The following KHK variants were observed in gnomAD, a reference collection of about 807,000 sequenced individuals.
KHK encodes the protein fructokinase.
In KHK, 37 loss-of-function variants were observed where a neutral mutation model predicts 36.0. The observed-to-expected ratio is 1.03, with a 90% CI of 0.79 to 1.35. The LOEUF (loss-of-function observed/expected upper bound fraction) is 1.35, where lower values mean the gene tolerates loss of function less well. KHK is among the 40% of genes most tolerant of loss of function. The pLI is 0.00. For missense variants in KHK, 395 were observed against 391.9 expected, an observed-to-expected ratio of 1.01 and a Z score of -0.07; for synonymous variants, 161 against 162.8, an observed-to-expected ratio of 0.99 and a Z score of 0.08.
In KHK at chr2:27,099,726, G is replaced by A; in HGVS notation, c.873G>A (p.Leu291=). The A allele has an allele frequency of 6.2e-7, 1 of 1,614,016 alleles. No homozygotes were observed. Among genetic ancestry groups the A allele is most frequent in the East Asian group, 2.2e-5 (1 of 44,876 alleles). ...AGGTGGCCGGCAAGAAGTGTGGCCT[G>A]CAGGGCTTTGATGGCATCGTGTGAG... is the stretch of plus-strand genomic sequence containing the variant. ...GCQVAGKKCG[L]QGFDGIV The change falls in exon 8 of 8, where the codon CTG becomes CTA. Residue 291 remains leucine, a synonymous_variant. Transcript: ENST00000260598.
chr2:27,089,854 C>CT (rs1051382068), intron 1 of KHK, among the ~76,000 whole-genome samples: 6 of 152,208 alleles, frequency 3.9e-5, no homozygotes, highest in African/African-American at 1.4e-4. Context: ...GGGACGTGTC[C>CT]TTTTTTTTAT....
chr2:27,098,873 G>C (rs946884548), intron 5 of KHK: 6 of 314,878 alleles, frequency 1.9e-5, no homozygotes, highest in South Asian at 1.8e-4. Flanking sequence ...CAATTTACAA[G>C]GCTGTATTCT....
rs1482584405 is a variant in KHK, at chr2:27,094,870, A to G, written c.280A>G (p.Thr94Ala). The G allele has an allele frequency of 1.2e-6, 2 of 1,613,280 alleles. No individual in the cohort carries two copies. Among genetic ancestry groups the G allele is most frequent in the Non-Finnish European group, 1.7e-6 (2 of 1,179,908 alleles). Reference sequence around the variant, plus strand: ...GGTGGCCTGGCAGAGCAAGGGGGACACCCCCAGCTCCTGCTGCATCATCAA... The same window carrying G: ...GGTGGCCTGGCAGAGCAAGGGGGACGCCCCCAGCTCCTGCTGCATCATCAA... ...SQVAWQSKGD[T>A]PSSCCIINNS... The change falls in exon 3 of 8, where the codon ACC (threonine) becomes GCC (alanine). Residue 94 changes from threonine to alanine, a missense_variant. Coordinates refer to ENST00000260598, the MANE Select transcript of KHK (RefSeq NM_006488.3).
rs1670241697 is a variant in KHK, at chr2:27,094,858, A to G, written c.268A>G (p.Ser90Gly). 3 of 1,613,914 alleles carry G rather than the reference A, an allele frequency of 1.9e-6. No homozygotes were observed. The highest frequency in any genetic ancestry group is 1.6e-4 in the Middle Eastern group (1 of 6,084). The part of the protein sequence containing the change: ...GVDVSQVAWQ[S>G]KGDTPSSCCI... ...GGACGTGTCTCAGGTGGCCTGGCAG[A>G]GCAAGGGGGACACCCCCAGCTCCTG... is the stretch of plus-strand genomic sequence containing the variant. The change falls in exon 3 of 8, where the codon AGC (serine) becomes GGC (glycine). Residue 90 changes from serine to glycine, a missense_variant. Coordinates refer to ENST00000260598, the MANE Select transcript of KHK (RefSeq NM_006488.3).
chr2:27,092,192 C>G, intron 1 of KHK, 140 bp from the exon 2 acceptor site: 1 of 776,064 alleles, frequency 1.3e-6, no homozygotes. Context: ...GCCTCGGCTG[C>G]CCCGGGTACA....
intron 6 of KHK, 56 bp from the exon 7 acceptor site, chr2:27,099,364 G>A: frequency 6.2e-7 from 1 of 1,612,440 alleles, no homozygotes; most frequent in South Asian, 1.1e-5. Flanking sequence ...GGAGCTGGGA[G>A]GATGGCTGGG....
In KHK at chr2:27,100,304, C is replaced by T. The variant is rs558714226; in HGVS notation, c.*554C>T. ...GACAGGCCAGTGGGGGGCAGGGGTG[C>T]GCCTCCTCTGCCCTGCCCACCAGCC... On this transcript the variant is annotated 3_prime_UTR_variant, in exon 8 of 8. Transcript: ENST00000260598. The T allele has an allele frequency of 1.8e-3, 1,059 of 572,902 alleles. 23 individuals carry two copies. The highest frequency in any genetic ancestry group is 0.017 in the South Asian group (1,016 of 58,308). The allele number at this position is 572,902 out of a possible 1,614,324, so 35.5% of individuals were successfully genotyped here.
Position 27,096,587 on chromosome 2 carries a change from G to A in KHK, c.345-142G>A, listed in dbSNP as rs546641187. The A allele has an allele frequency of 1.3e-5, 10 of 752,454 alleles. No individual in the cohort carries two copies. The East Asian group carries it at 1.8e-4, about 13-fold the overall frequency. The allele number at this position is 752,454 out of a possible 1,614,324, so 46.6% of individuals were successfully genotyped here. A position where few individuals can be genotyped will look rare whatever the true frequency, so the allele number is the denominator to read the frequency against. On this transcript the variant is annotated intron_variant, in intron 3 of 7. Transcript: ENST00000260598. ...CAGGGACAACCCTGGAGCTGAGCCT[G>A]AGAATCCTGTGCTGTGGATCCAGCT...
In KHK at chr2:27,099,735, T is replaced by C. The variant is rs371420943; in HGVS notation, c.882T>C (p.Phe294=). The C allele has an allele frequency of 1.2e-6, 2 of 1,613,968 alleles. No individual in the cohort carries two copies. Among genetic ancestry groups the C allele is most frequent in the African/African-American group, 2.7e-5 (2 of 74,922 alleles). Residue 294 remains phenylalanine, a synonymous_variant, in exon 8 of 8, where the codon TTT becomes TTC. Coordinates refer to ENST00000260598, the MANE Select transcript of KHK (RefSeq NM_006488.3). ...GCAAGAAGTGTGGCCTGCAGGGCTT[T>C]GATGGCATCGTGTGAGAGCAGGTGC... ...VAGKKCGLQG[F]DGIV is the part of the protein sequence containing the mutation.
At chr2:27,089,442 CG>C (rs1193657015) in intron 1 of KHK, among the ~76,000 whole-genome samples, 1 of 152,156 alleles carries the variant, frequency 6.6e-6, no homozygotes, top group Non-Finnish European at 1.5e-5. Flanking sequence ...CTCCAAGGAC[CG>C]TGGAGAGCCT....
intron 3 of KHK, 27 bp from the exon 4 acceptor site, chr2:27,096,702 C>A: frequency 6.2e-7 from 1 of 1,601,732 alleles, no homozygotes; most frequent in African/African-American, 1.3e-5. Flanking sequence ...GCTCCTTCTT[C>A]TCTGTCTTTT....
At chr2:27,091,053 C>CA (rs1008645914) in intron 1 of KHK, among the ~76,000 whole-genome samples, 2 of 110,752 alleles carry the variant, frequency 1.8e-5, no homozygotes, top group East Asian at 5.2e-4. Context: ...GACTCTGTCT[C>CA]AAAAAAACAA....
rs1286758600 is a variant in KHK, at chr2:27,100,339, A to G, written c.*589A>G. The G allele has an allele frequency of 4.2e-6, 4 of 959,424 alleles. No homozygotes were observed. In the Admixed American group the frequency reaches 7.1e-5, roughly 17 times the overall value. The allele number at this position is 959,424 out of a possible 1,614,324, so 59.4% of individuals were successfully genotyped here. A position where few individuals can be genotyped will look rare whatever the true frequency, so the allele number is the denominator to read the frequency against. On this transcript the variant is annotated 3_prime_UTR_variant, in exon 8 of 8. Coordinates refer to ENST00000260598, the MANE Select transcript of KHK (RefSeq NM_006488.3). ...GCCCTGCCCACCAGCCTGTGATTTGATGGGGTCTTCATTGTCCAGAAATAC... is the reference window on the plus strand; with the variant it reads ...GCCCTGCCCACCAGCCTGTGATTTGGTGGGGTCTTCATTGTCCAGAAATAC...
intron 2 of KHK, chr2:27,094,590 G>A (rs138367050): frequency 1.3e-5 from 21 of 1,613,992 alleles, no homozygotes; most frequent in African/African-American, 6.7e-5. Context: ...AGTGGTAGCC[G>A]CACCATCCTA....
Position 27,100,209 on chromosome 2 carries a change from G to A in KHK, c.*459G>A, listed in dbSNP as rs945238841. The A allele has an allele frequency of 3.6e-5, 15 of 412,258 alleles. No homozygotes were observed. Among genetic ancestry groups the A allele is most frequent in the African/African-American group, 2.0e-4 (10 of 48,856 alleles). 25.5% of individuals were successfully genotyped at this position (412,258 alleles called of 1,614,324 possible). ...GCCAAAGAAACCGTGAGAGCTCTTCGGGGCCCTGCGTTGTGCAGACTCTAT... is the reference window on the plus strand; with the variant it reads ...GCCAAAGAAACCGTGAGAGCTCTTCAGGGCCCTGCGTTGTGCAGACTCTAT... On this transcript the variant is annotated 3_prime_UTR_variant, in exon 8 of 8. Transcript: ENST00000260598.
chr2:27,099,800 A>T lies in KHK; in HGVS notation c.*50A>T. ...CCATGGAGACTACCATTGCGGCTGC[A>T]TCGCCTTCTCCCCTCCATCCAGCCT... is the stretch of plus-strand genomic sequence containing the variant. On this transcript the variant is annotated 3_prime_UTR_variant, in exon 8 of 8. Coordinates refer to ENST00000260598, the MANE Select transcript of KHK (RefSeq NM_006488.3). The T allele has an allele frequency of 6.3e-7, 1 of 1,595,898 alleles. No homozygotes were observed. Among genetic ancestry groups the T allele is most frequent in the Admixed American group, 1.7e-5 (1 of 57,304 alleles).
Position 27,099,672 on chromosome 2 carries a change from C to G in KHK, c.819C>G (p.Ser273Arg), listed in dbSNP as rs543317237. ...SVIFSLSQGR[S>R]VQEALRFGCQ... ...TACTTGCCCCTCCTCCAGGGAGGAGCGTGCAGGAAGCACTGAGATTCGGGT... is the reference window on the plus strand; with the variant it reads ...TACTTGCCCCTCCTCCAGGGAGGAGGGTGCAGGAAGCACTGAGATTCGGGT... Residue 273 changes from serine to arginine, a missense_variant, in exon 8 of 8, where the codon AGC (serine) becomes AGG (arginine). Transcript: ENST00000260598. 6.2e-7 allele frequency: 1 copy of G among 1,613,982 alleles called. No homozygotes were observed. Among genetic ancestry groups the G allele is most frequent in the African/African-American group, 1.3e-5 (1 of 74,908 alleles).
Position 27,100,019 on chromosome 2 carries a change from C to CA in KHK, c.*269_*270insA. 1 of 682,952 alleles carries CA rather than the reference C, an allele frequency of 1.5e-6. No individual in the cohort carries two copies. Among genetic ancestry groups the CA allele is most frequent in the Non-Finnish European group, 2.5e-6 (1 of 396,478 alleles). 42.3% of individuals were successfully genotyped at this position (682,952 alleles called of 1,614,324 possible). On this transcript the variant is annotated 3_prime_UTR_variant, in exon 8 of 8. Coordinates refer to ENST00000260598, the MANE Select transcript of KHK (RefSeq NM_006488.3). The stretch of plus-strand genomic sequence containing the variant: ...GCTCTGGCTGGGCATTCCTGAGGCT[C>CA]TGACTCTTCGATCCTCCCTCTTTGT...
rs1010563445 is a variant in KHK, at chr2:27,087,052, C to A, written c.-208C>A. ...CTCTGGGTTGGCTTTCCTAGACCCG[C>A]TCGGGTCTTCGGGTGTCGCGAGGAA... On this transcript the variant is annotated 5_prime_UTR_variant, in exon 1 of 8. Transcript: ENST00000260598. 1.9e-6 allele frequency: 1 copy of A among 532,082 alleles called. No individual in the cohort carries two copies. The highest frequency in any genetic ancestry group is 3.2e-5 in the Admixed American group (1 of 31,252). 33.0% of individuals were successfully genotyped at this position (532,082 alleles called of 1,614,324 possible).
Sources: allele counts gnomAD v4.1 joint callset (sites outside exome capture counted in the v4.1 genomes callset), GRCh38; gene constraint gnomAD v4.1.1; transcripts MANE v1.5; gene names NCBI Gene and HGNC (gene_info 2026-07-23, HGNC 2026-07-21).